The following RNF150 variants were observed in gnomAD, a reference collection of about 807,000 sequenced individuals.
RNF150 encodes ring finger protein 150.
Under a neutral mutation model 39.3 loss-of-function variants are expected in RNF150, and 24 were observed. That is an observed-to-expected ratio of 0.61 (90% CI 0.44 to 0.86). The LOEUF (loss-of-function observed/expected upper bound fraction) is 0.86. Among genes scored for constraint, RNF150 ranks in the 40% least tolerant of loss-of-function variants. RNF150 has a pLI of 0.00. For missense variants in RNF150, 502 were observed against 587.8 expected, an observed-to-expected ratio of 0.85 and a Z score of 1.51; for synonymous variants, 255 against 227.3, an observed-to-expected ratio of 1.12 and a Z score of -1.10.
intron 5 of RNF150, among the ~76,000 whole-genome samples, chr4:140,918,091 C>A (rs1048555539): frequency 6.6e-6 from 1 of 151,702 alleles, no homozygotes; most frequent in Admixed American, 6.6e-5. Flanking sequence ...AGAAAGCAGG[C>A]AAGATCCAAA....
intron 1 of RNF150, among the ~76,000 whole-genome samples, chr4:140,983,430 T>C (rs765238811): frequency 3.3e-5 from 5 of 152,162 alleles, no homozygotes; most frequent in Non-Finnish European, 7.4e-5. Context: ...CTTCCTTTTC[T>C]TATCATTGTT....
chr4:141,049,485 T>A (rs979934812), intron 1 of RNF150, among the ~76,000 whole-genome samples: 1 of 151,796 alleles, frequency 6.6e-6, no homozygotes, highest in Non-Finnish European at 1.5e-5. Flanking sequence ...AAAACTTCAA[T>A]GGATAAGTGG....
At chr4:141,006,949 C>G (rs2110733727) in intron 1 of RNF150, among the ~76,000 whole-genome samples, 1 of 152,254 alleles carries the variant, frequency 6.6e-6, no homozygotes, top group South Asian at 2.1e-4. Context: ...ATATAGATAT[C>G]TGTAAGAAAA....
intron 1 of RNF150, among the ~76,000 whole-genome samples, chr4:141,146,839 TCAA>T (rs1409687559): frequency 1.3e-5 from 2 of 152,152 alleles, no homozygotes; most frequent in Non-Finnish European, 2.9e-5. Flanking sequence ...AAGGAATCAA[TCAA>T]CAATACCTTC....
rs192768707 is a variant in RNF150, at chr4:140,934,040, C to T, written c.891-7967G>A. 2.4e-3 allele frequency among the ~76,000 whole-genome samples: 359 copies of T among 152,310 alleles called. 4 individuals carry two copies. The highest frequency in any genetic ancestry group is 8.1e-3 in the African/African-American group (336 of 41,562). On this transcript the variant is annotated intron_variant, in intron 4 of 6. Transcript: ENST00000515673. ...GTTTATTTATTTTGAGACAGAGTCTCGTTCTATTGCCCAGCTGGACAGTGC... is the reference window on the plus strand; with the variant it reads ...GTTTATTTATTTTGAGACAGAGTCTTGTTCTATTGCCCAGCTGGACAGTGC...
chr4:141,144,867 G>C (rs1397039524), intron 1 of RNF150, among the ~76,000 whole-genome samples: 4 of 152,110 alleles, frequency 2.6e-5, no homozygotes, highest in Admixed American at 6.5e-5. Context: ...GGAAGGAAAG[G>C]CATGCTGATT....
chr4:141,206,419 C>CAAAAAAAAA, intron 1 of RNF150, among the ~76,000 whole-genome samples: 1 of 64,228 alleles, frequency 1.6e-5, no homozygotes, highest in Non-Finnish European at 3.1e-5. Context: ...GACTCAATCT[C>CAAAAAAAAA]AAAAAAAAAA....
At position 141,061,596 on chromosome 4, in the gene RNF150, G is replaced by A. The variant is rs147911270; in HGVS notation, c.484+70729C>T. Among the ~76,000 whole-genome samples, 926 of 152,316 alleles carry A rather than the reference G, an allele frequency of 6.1e-3. 5 individuals carry two copies. Among genetic ancestry groups the A allele is most frequent in the Non-Finnish European group, 9.0e-3 (611 of 68,026 alleles). On this transcript the variant is annotated intron_variant, in intron 1 of 6. Coordinates refer to ENST00000515673, the MANE Select transcript of RNF150 (RefSeq NM_020724.2). Reference sequence around the variant, plus strand: ...GTGGGAAAATGCCACCATACTCACTGCAAGAGACATCTGACTTTTCTCAGA... The same window carrying A: ...GTGGGAAAATGCCACCATACTCACTACAAGAGACATCTGACTTTTCTCAGA...
At chr4:140,980,486 A>G (rs777975484) in intron 1 of RNF150, among the ~76,000 whole-genome samples, 23 of 152,244 alleles carry the variant, frequency 1.5e-4, no homozygotes, top group Non-Finnish European at 2.6e-4. Context: ...TAGATGAAGC[A>G]CCTTGATATG....
intron 1 of RNF150, among the ~76,000 whole-genome samples, chr4:141,181,928 A>G (rs1727915419): frequency 1.3e-5 from 2 of 152,174 alleles, no homozygotes; most frequent in African/African-American, 4.8e-5. Flanking sequence ...TGACTGGTTT[A>G]TTTACCTGTT....
intron 4 of RNF150, among the ~76,000 whole-genome samples, chr4:140,928,326 G>C (rs1240401861): frequency 1.3e-5 from 2 of 151,960 alleles, no homozygotes; most frequent in Non-Finnish European, 2.9e-5. Context: ...CCCTAACAAA[G>C]TGACGAAGCT....
intron 1 of RNF150, among the ~76,000 whole-genome samples, chr4:141,197,772 G>A (rs1728224204): frequency 6.6e-6 from 1 of 151,738 alleles, no homozygotes; most frequent in South Asian, 2.1e-4. Context: ...CAGCTACTTG[G>A]GAGGCTGAGG....
chr4:140,893,432 T>C lies in RNF150; in HGVS notation c.1198+17712A>G, dbSNP rs375620290. On this transcript the variant is annotated intron_variant, in intron 6 of 6. Coordinates refer to ENST00000515673, the MANE Select transcript of RNF150 (RefSeq NM_020724.2). The stretch of plus-strand genomic sequence containing the variant: ...ATGCTCTTTTGATATCAATGCTATG[T>C]GGAATACATCATGCTAAGGAATCAA... 2.2e-4 allele frequency among the ~76,000 whole-genome samples: 34 copies of C among 152,230 alleles called. 2 individuals carry two copies. In the East Asian group the frequency reaches 2.3e-3, roughly 10 times the overall value.
In RNF150 at chr4:140,973,149, G is replaced by A. The variant is rs1170633485; in HGVS notation, c.485-5276C>T. ...GCAGACTGTACCTCCCTACCATCAA[G>A]TAAGTGATGAGAATACTTAAATATA... is the stretch of plus-strand genomic sequence containing the variant. On this transcript the variant is annotated intron_variant, in intron 1 of 6. Coordinates refer to ENST00000515673, the MANE Select transcript of RNF150 (RefSeq NM_020724.2). Among the ~76,000 whole-genome samples the A allele has an allele frequency of 2.0e-5, 3 of 152,138 alleles. No homozygotes were observed. In the East Asian group the frequency reaches 5.8e-4, roughly 29 times the overall value.
chr4:141,211,088 T>C (rs1214429885), intron 1 of RNF150, among the ~76,000 whole-genome samples: 1 of 152,228 alleles, frequency 6.6e-6, no homozygotes, highest in Non-Finnish European at 1.5e-5. Flanking sequence ...GGACTTCTTG[T>C]ATATGAAAGA....
intron 6 of RNF150, 96 bp from the exon 7 acceptor site, chr4:140,868,475 G>T: frequency 1.3e-6 from 1 of 751,940 alleles, no homozygotes; most frequent in Non-Finnish European, 2.3e-6. Flanking sequence ...TTTCTTTAAA[G>T]GCCAAGAGAA....
intron 1 of RNF150, among the ~76,000 whole-genome samples, chr4:141,073,024 T>C (rs1737763433): frequency 6.6e-6 from 1 of 152,052 alleles, no homozygotes; most frequent in African/African-American, 2.4e-5. Flanking sequence ...CCCACACAAG[T>C]TCCATTATCT....
chr4:140,949,247 G>T, intron 3 of RNF150, 54 bp downstream of exon 3: 3 of 1,423,372 alleles, frequency 2.1e-6, no homozygotes, highest in Middle Eastern at 1.8e-4. Flanking sequence ...TATAAGAAAA[G>T]TTAGAAGCTT....
In RNF150 at chr4:140,867,158, G is replaced by T. The variant is rs924510884; in HGVS notation, c.*1103C>A. 1 of 152,162 alleles carries T rather than the reference G, an allele frequency of 6.6e-6. No individual in the cohort carries two copies. Among genetic ancestry groups the T allele is most frequent in the Non-Finnish European group, 1.5e-5 (1 of 68,046 alleles). 9.4% of individuals were successfully genotyped at this position (152,162 alleles called of 1,614,324 possible). On this transcript the variant is annotated 3_prime_UTR_variant, in exon 7 of 7. Coordinates refer to ENST00000515673, the MANE Select transcript of RNF150 (RefSeq NM_020724.2). ...GGATTCACCTAAATCCTCCCACATG[G>T]TCTGGTGAGATTCAACAGAAGTGTG...
Sources: allele counts gnomAD v4.1 joint callset (sites outside exome capture counted in the v4.1 genomes callset), GRCh38; gene constraint gnomAD v4.1.1; transcripts MANE v1.5; gene names NCBI Gene and HGNC (gene_info 2026-07-23, HGNC 2026-07-21).